LYZL4: variants seen among roughly 807,000 people sequenced by gnomAD.
LYZL4 encodes lysozyme like 4, also known as lysozyme-like protein 4.
Under a neutral mutation model 17.6 loss-of-function variants are expected in LYZL4, and 13 were observed. The ratio of observed to expected loss-of-function variants is 0.74; its 90% confidence interval spans 0.48 to 1.18. The LOEUF is 1.18. Ranked by LOEUF, LYZL4 falls within the 50% of genes most tolerant of loss-of-function variation. The pLI is 0.00. For synonymous variants in LYZL4, 64 were observed against 67.7 expected, an observed-to-expected ratio of 0.95 and a Z score of 0.27; for missense variants, 174 against 188.2, an observed-to-expected ratio of 0.92 and a Z score of 0.44.
chr3:42,375,274 T>G, the LYZL4 span, among the ~76,000 whole-genome samples: 18 of 152,336 alleles, frequency 1.2e-4, no homozygotes, highest in Middle Eastern at 6.8e-3. Context: ...GACAGACTTT[T>G]GTAGAATAGT....
chr3:42,375,723 T>C, the LYZL4 span, among the ~76,000 whole-genome samples: 458 of 152,304 alleles, frequency 3.0e-3, 1 homozygote, highest in Admixed American at 7.5e-3. Context: ...ATGAGGAATA[T>C]GCTCATCAGA....
At chr3:42,399,197 G>T (rs1271968807) in intron 4 of LYZL4, among the ~76,000 whole-genome samples, 1 of 152,186 alleles carries the variant, frequency 6.6e-6, no homozygotes, top group Non-Finnish European at 1.5e-5. Context: ...TCAGGCTGGT[G>T]AGCTGAGGAG....
At chr3:42,381,316 T>G in the LYZL4 span, among the ~76,000 whole-genome samples, 3 of 152,228 alleles carry the variant, frequency 2.0e-5, no homozygotes, top group Non-Finnish European at 4.4e-5. Flanking sequence ...TTGAATTTTT[T>G]TCAGATTTTA....
chr3:42,370,602 A>G, the LYZL4 span, among the ~76,000 whole-genome samples: 86 of 152,230 alleles, frequency 5.6e-4, no homozygotes, highest in African/African-American at 2.0e-3. Context: ...TTTGGGGACT[A>G]TTTGTTAGGC....
At chr3:42,370,611 G>A in the LYZL4 span, among the ~76,000 whole-genome samples, 1 of 152,166 alleles carries the variant, frequency 6.6e-6, no homozygotes, top group African/African-American at 2.4e-5. Context: ...TATTTGTTAG[G>A]CAGCTTTATT....
intron 1 of LYZL4, among the ~76,000 whole-genome samples, chr3:42,408,727 C>T (rs549607283): frequency 6.6e-6 from 1 of 152,142 alleles, no homozygotes; most frequent in Non-Finnish European, 1.5e-5. Context: ...TGTTTGTCAC[C>T]GTTCACAGGT....
At chr3:42,374,403 ACTT>A in the LYZL4 span, among the ~76,000 whole-genome samples, 1 of 152,176 alleles carries the variant, frequency 6.6e-6, no homozygotes, top group Non-Finnish European at 1.5e-5. Flanking sequence ...TCTTGTAAGT[ACTT>A]CTTGACCTCT....
In LYZL4 at chr3:42,404,086, C is replaced by T. The variant is rs372017599; in HGVS notation, c.331G>A (p.Ala111Thr). ...TCTTTTCCTTTTACAATGGTCTTGG[C>T]ACATTTAATTGTCTTCTCTAAATTA... The part of the protein sequence containing the change: ...NPNLEKTIKC[A>T]KTIVKGKEGM... Residue 111 changes from alanine to threonine, a missense_variant, in exon 4 of 5, where the codon GCC becomes ACC. By Grantham distance (58) the Ala-to-Thr change is moderately conservative (BLOSUM62 0). Transcript: ENST00000287748. 1.9e-6 allele frequency: 3 copies of T among 1,612,902 alleles called. No individual in the cohort carries two copies. Among genetic ancestry groups the T allele is most frequent in the Non-Finnish European group, 2.5e-6 (3 of 1,179,004 alleles).
the LYZL4 span, among the ~76,000 whole-genome samples, chr3:42,377,577 G>A: frequency 2.0e-5 from 3 of 150,992 alleles, no homozygotes; most frequent in African/African-American, 7.3e-5. Context: ...ATATCCACAC[G>A]ATGAAATTAC....
chr3:42,402,315 C>CTTTTTTTTTTTTTTTTT (rs201251667), intron 4 of LYZL4, among the ~76,000 whole-genome samples: 1 of 136,982 alleles, frequency 7.3e-6, no homozygotes, highest in Non-Finnish European at 1.6e-5. Context: ...CTTTTCTTTT[C>CTTTTTTTTTTTTTTTTT]TTTCTTTTTT....
chr3:42,394,506 G>C (rs1022576632), downstream of LYZL4, among the ~76,000 whole-genome samples: 1 of 152,284 alleles, frequency 6.6e-6, no homozygotes, highest in African/African-American at 2.4e-5. Context: ...GTTTTGCAAG[G>C]CTTGGAAATA....
the LYZL4 span, among the ~76,000 whole-genome samples, chr3:42,367,829 T>G: frequency 6.6e-6 from 1 of 152,142 alleles, no homozygotes; most frequent in East Asian, 1.9e-4. Flanking sequence ...AAAATATTCA[T>G]TACAAAAGAA....
chr3:42,399,387 A>G (rs1310017039), intron 4 of LYZL4, among the ~76,000 whole-genome samples: 1 of 152,238 alleles, frequency 6.6e-6, no homozygotes, highest in African/African-American at 2.4e-5. Context: ...TCATGATAGA[A>G]TTTTGAAACA....
chr3:42,400,242 C>A (rs909979709), intron 4 of LYZL4, among the ~76,000 whole-genome samples: 1 of 152,144 alleles, frequency 6.6e-6, no homozygotes, highest in Non-Finnish European at 1.5e-5. Flanking sequence ...TGCTCAGAAA[C>A]CTTGAGTTTG....
chr3:42,406,796 C>A lies in LYZL4; in HGVS notation c.292+50G>T, dbSNP rs758597275. On this transcript the variant is annotated intron_variant, in intron 3 of 4. Coordinates refer to ENST00000287748, the MANE Select transcript of LYZL4 (RefSeq NM_144634.4). ...CCATTTGGAAGGCAGGCCTCTAACACAGCACCATAGCCTCCAGTGCCCCCG... is the reference window on the plus strand; with the variant it reads ...CCATTTGGAAGGCAGGCCTCTAACAAAGCACCATAGCCTCCAGTGCCCCCG... 23 of 1,605,432 alleles carry A rather than the reference C, an allele frequency of 1.4e-5. No homozygotes were observed. The East Asian group carries it at 4.7e-4, about 33-fold the overall frequency.
downstream of LYZL4, among the ~76,000 whole-genome samples, chr3:42,395,271 C>A (rs1157513374): frequency 6.6e-6 from 1 of 152,126 alleles, no homozygotes; most frequent in Non-Finnish European, 1.5e-5. Context: ...TTTCACGTAG[C>A]CACTTTTTAC....
At chr3:42,382,607 T>C in the LYZL4 span, among the ~76,000 whole-genome samples, 1 of 151,808 alleles carries the variant, frequency 6.6e-6, no homozygotes, top group Non-Finnish European at 1.5e-5. Context: ...ATTGCCCTGT[T>C]TATATAGATC....
chr3:42,400,912 AC>A (rs1698640834), intron 4 of LYZL4, among the ~76,000 whole-genome samples: 1 of 152,134 alleles, frequency 6.6e-6, no homozygotes, highest in African/African-American at 2.4e-5. Flanking sequence ...ATTTTCATGC[AC>A]TCCATTGGTT....
In LYZL4 at chr3:42,407,199, C is replaced by T. The variant is rs1698773631; in HGVS notation, c.53G>A (p.Gly18Asp). The T allele has an allele frequency of 3.7e-6, 6 of 1,614,042 alleles. No homozygotes were observed. The highest frequency in any genetic ancestry group is 5.1e-6 in the Non-Finnish European group (6 of 1,180,046). ...SLLGYLVVPS[G>D]AYILGRCTVA... Reference sequence around the variant, plus strand: ...TGTGCAACGCCCCAAGATGTAAGCACCACTTGGAACCACCAGGTAGCCAAG... The same window carrying T: ...TGTGCAACGCCCCAAGATGTAAGCATCACTTGGAACCACCAGGTAGCCAAG... The change falls in exon 2 of 5, where the codon GGT becomes GAT. Residue 18 changes from glycine to aspartate, a missense_variant. Gly to Asp is a moderately conservative substitution (Grantham distance 94). Coordinates refer to ENST00000287748, the MANE Select transcript of LYZL4 (RefSeq NM_144634.4).
Sources: gnomAD v4.1 joint callset for allele counts (sites outside exome capture counted in the v4.1 genomes callset) on GRCh38, gnomAD v4.1.1 for gene constraint, MANE v1.5 for transcripts, NCBI Gene and HGNC (gene_info 2026-07-23, HGNC 2026-07-21) for gene names.